The following CNTNAP2 variants were observed in gnomAD, a reference collection of about 807,000 sequenced individuals.
CNTNAP2 encodes contactin-associated protein-like 2.
Under a neutral mutation model 155.2 loss-of-function variants are expected in CNTNAP2, and 98 were observed. The ratio of observed to expected loss-of-function variants is 0.63; its 90% CI spans 0.54 to 0.75. The LOEUF (loss-of-function observed/expected upper bound fraction) is 0.75. Ranked by LOEUF, CNTNAP2 falls within the 30% of genes least tolerant of loss-of-function variation. The pLI is 0.00. For synonymous variants in CNTNAP2, 651 were observed against 631.2 expected (o/e 1.03, Z -0.47); for missense variants, 1,727 against 1,688.1 (o/e 1.02, Z -0.40).
chr7:147,498,886 T>C (rs551417144), intron 11 of CNTNAP2, among the ~76,000 whole-genome samples: 1 of 152,284 alleles, frequency 6.6e-6, no homozygotes, highest in African/African-American at 2.4e-5. Context: ...CCACATGTGG[T>C]TATTATCCAA....
At chr7:146,581,048 T>G (rs1159946234) in intron 1 of CNTNAP2, among the ~76,000 whole-genome samples, 1 of 152,142 alleles carries the variant, frequency 6.6e-6, no homozygotes, top group Admixed American at 6.6e-5. Context: ...TGATGAAGGC[T>G]AAAATTCTGG....
chr7:148,214,485 G>A (rs957983082), intron 18 of CNTNAP2, among the ~76,000 whole-genome samples: 4 of 152,234 alleles, frequency 2.6e-5, no homozygotes, highest in African/African-American at 7.2e-5. Flanking sequence ...AGGCAGCAAT[G>A]AGCATGGATT....
intron 1 of CNTNAP2, among the ~76,000 whole-genome samples, chr7:146,751,902 TGCTGAGAATGACG>T (rs1801911337): frequency 6.6e-6 from 1 of 152,162 alleles, no homozygotes; most frequent in Non-Finnish European, 1.5e-5. Flanking sequence ...TGTGTTAGTT[TGCTGAGAATGACG>T]GCTTCCAGCT....
chr7:147,382,139 A>T (rs934521510), intron 9 of CNTNAP2, among the ~76,000 whole-genome samples: 5 of 152,166 alleles, frequency 3.3e-5, no homozygotes, highest in Non-Finnish European at 7.4e-5. Flanking sequence ...CATATTTTGC[A>T]TTTGGAAAAC....
chr7:148,301,300 A>ATAT (rs1276624199), intron 21 of CNTNAP2, among the ~76,000 whole-genome samples: 1 of 46,668 alleles, frequency 2.1e-5, no homozygotes, highest in East Asian at 7.5e-4. Flanking sequence ...TCTAAAAAAA[A>ATAT]AAAAAAATAT....
intron 10 of CNTNAP2, among the ~76,000 whole-genome samples, chr7:147,467,669 A>C (rs1798144152): frequency 6.6e-6 from 1 of 152,220 alleles, no homozygotes; most frequent in African/African-American, 2.4e-5. Flanking sequence ...CTAAATACAA[A>C]TAAGTAAATG....
At position 147,245,941 on chromosome 7, in the gene CNTNAP2, A is replaced by C. The variant is rs943195327; in HGVS notation, c.1349-54200A>C. Among the ~76,000 whole-genome samples the C allele has an allele frequency of 2.7e-5, 4 of 150,404 alleles. No individual in the cohort carries two copies. The Admixed American group carries it at 2.7e-4, about 10-fold the overall frequency. On this transcript the variant is annotated intron_variant, in intron 8 of 23. Coordinates refer to ENST00000361727, the MANE Select transcript of CNTNAP2 (RefSeq NM_014141.6). ...TATATATGCACACATGTATATATTT[A>C]TATATACAAATATATGCATGCATAT...
chr7:148,227,690 G>T (rs111624007), intron 19 of CNTNAP2, among the ~76,000 whole-genome samples: 6,813 of 152,290 alleles, frequency 0.045, 258 homozygotes, highest in African/African-American at 0.099. Flanking sequence ...GTGCTTAGTT[G>T]AAATGCCAGG....
At chr7:146,993,115 C>T (rs981999035) in intron 3 of CNTNAP2, among the ~76,000 whole-genome samples, 32 of 152,156 alleles carry the variant, frequency 2.1e-4, no homozygotes, top group African/African-American at 7.7e-4. Context: ...ATCATAAAAG[C>T]TTTAGCGAAG....
At chr7:146,620,354 G>C (rs569340129) in intron 1 of CNTNAP2, among the ~76,000 whole-genome samples, 1 of 152,240 alleles carries the variant, frequency 6.6e-6, no homozygotes, top group South Asian at 2.1e-4. Flanking sequence ...TTGGGTTCCT[G>C]CCAGAGATGT....
Position 148,265,121 on chromosome 7 carries a change from A to C in CNTNAP2, c.3382-1912A>C, listed in dbSNP as rs1328368120. On this transcript the variant is annotated intron_variant, in intron 20 of 23. Coordinates refer to ENST00000361727, the MANE Select transcript of CNTNAP2 (RefSeq NM_014141.6). ...ATTTAACAAAAGAGAGTAAGTAAAC[A>C]GAAGTGCGGTGGCAGTTACCCATGG... Among the ~76,000 whole-genome samples, 3 of 152,378 alleles carry C rather than the reference A, an allele frequency of 2.0e-5. No homozygotes were observed. The East Asian group carries it at 5.8e-4, about 29-fold the overall frequency.
Position 146,437,889 on chromosome 7 carries a change from T to G in CNTNAP2, c.97+320916T>G, listed in dbSNP as rs79188520. 3.6e-3 allele frequency among the ~76,000 whole-genome samples: 546 copies of G among 151,476 alleles called. 4 individuals are homozygous for G. Among genetic ancestry groups the G allele is most frequent in the Non-Finnish European group, 4.1e-3 (279 of 68,006 alleles). ...TGCAATTCCCCAATCTCGTTTTTTT[T>G]TTTGTTTGTTTTTGTCCCCTTTCTT... On this transcript the variant is annotated intron_variant, in intron 1 of 23. Coordinates refer to ENST00000361727, the MANE Select transcript of CNTNAP2 (RefSeq NM_014141.6).
chr7:148,156,780 G>C (rs1805407314), intron 17 of CNTNAP2, among the ~76,000 whole-genome samples: 1 of 152,074 alleles, frequency 6.6e-6, no homozygotes, highest in Non-Finnish European at 1.5e-5. Flanking sequence ...CATCTCAGTA[G>C]GTGGCATCAC....
At chr7:147,772,154 G>C (rs1380615557) in intron 13 of CNTNAP2, among the ~76,000 whole-genome samples, 2 of 151,766 alleles carry the variant, frequency 1.3e-5, no homozygotes, top group Admixed American at 1.3e-4. Flanking sequence ...GGCCAGGCAT[G>C]GTGGCTCACA....
At chr7:148,105,939 G>A (rs1278409571) in intron 15 of CNTNAP2, among the ~76,000 whole-genome samples, 1 of 152,178 alleles carries the variant, frequency 6.6e-6, no homozygotes, top group Non-Finnish European at 1.5e-5. Flanking sequence ...GGATGAATTT[G>A]AGATGAGCAG....
At chr7:146,559,046 A>T (rs112182758) in intron 1 of CNTNAP2, among the ~76,000 whole-genome samples, 32 of 152,364 alleles carry the variant, frequency 2.1e-4, no homozygotes, top group African/African-American at 7.5e-4. Flanking sequence ...TTAAAAATAT[A>T]ACAAACAACA....
intron 8 of CNTNAP2, among the ~76,000 whole-genome samples, chr7:147,185,562 C>T (rs10240438): frequency 0.53 from 80,852 of 151,986 alleles, 22,101 homozygotes; most frequent in South Asian, 0.7. Flanking sequence ...AGTGTTAAGA[C>T]TGAATTAACC....
intron 1 of CNTNAP2, among the ~76,000 whole-genome samples, chr7:146,428,026 GA>G (rs1387375795): frequency 5.9e-5 from 9 of 152,164 alleles, no homozygotes; most frequent in African/African-American, 2.2e-4. Context: ...GTTTGCTAAG[GA>G]TAATGGCCCC....
chr7:147,264,283 C>G (rs935450147), intron 8 of CNTNAP2, among the ~76,000 whole-genome samples: 1 of 152,032 alleles, frequency 6.6e-6, no homozygotes, highest in African/African-American at 2.4e-5. Flanking sequence ...AAACCATTTC[C>G]CCAGAGAAGC....
Sources: allele counts gnomAD v4.1 joint callset (sites outside exome capture counted in the v4.1 genomes callset), GRCh38; gene constraint gnomAD v4.1.1; transcripts MANE v1.5; gene names NCBI Gene and HGNC (gene_info 2026-07-23, HGNC 2026-07-21).